Variants in OPCML observed in about 807,000 individuals in gnomAD.
The protein encoded by OPCML is opioid binding protein/cell adhesion molecule like, also known as opioid-binding protein/cell adhesion molecule.
OPCML carries 13 observed loss-of-function variants against 37.8 expected under a neutral mutation model. The ratio of observed to expected loss-of-function variants is 0.34; its 90% CI spans 0.22 to 0.55. The LOEUF (loss-of-function observed/expected upper bound fraction) is 0.55, where lower values mean the gene tolerates loss of function less well. OPCML is among the 20% of genes least tolerant of loss of function. The pLI is 0.91. For missense variants in OPCML, 341 were observed against 435.6 expected (o/e 0.78, Z 1.93); for synonymous variants, 176 against 168.8 (o/e 1.04, Z -0.33).
intron 2 of OPCML, among the ~76,000 whole-genome samples, chr11:132,792,405 T>A (rs145465684): frequency 2.5e-4 from 38 of 152,340 alleles, no homozygotes; most frequent in East Asian, 3.9e-4. Context: ...CTCCACATCT[T>A]TCAAAGTCAA....
intron 7 of OPCML, among the ~76,000 whole-genome samples, chr11:132,433,006 C>CTGCTCAGA (rs2096002422): frequency 6.6e-6 from 1 of 152,148 alleles, no homozygotes; most frequent in African/African-American, 2.4e-5. Flanking sequence ...GGGGACTGGC[C>CTGCTCAGA]TGCTCAGAGA....
chr11:133,337,755 G>T (rs1205420976), intron 1 of OPCML, among the ~76,000 whole-genome samples: 3 of 152,146 alleles, frequency 2.0e-5, no homozygotes, highest in Admixed American at 2.0e-4. Context: ...TCAACTCAGG[G>T]TGAAATCTGG....
At chr11:132,761,144 G>C (rs917012772) in intron 2 of OPCML, among the ~76,000 whole-genome samples, 2 of 151,644 alleles carry the variant, frequency 1.3e-5, no homozygotes, top group Non-Finnish European at 2.9e-5. Flanking sequence ...CTTCTGGCTT[G>C]TAGGGTTTCT....
At chr11:133,467,815 C>A (rs1476893216) in intron 1 of OPCML, among the ~76,000 whole-genome samples, 1 of 152,178 alleles carries the variant, frequency 6.6e-6, no homozygotes, top group Non-Finnish European at 1.5e-5. Context: ...TTCCCTCACA[C>A]TCCAAATTGA....
At chr11:133,395,898 T>C (rs1420143183) in intron 1 of OPCML, among the ~76,000 whole-genome samples, 1 of 152,150 alleles carries the variant, frequency 6.6e-6, no homozygotes, top group Admixed American at 6.5e-5. Context: ...ATTTTAGGAT[T>C]GTTTTTGCTA....
chr11:133,363,201 T>C (rs1461048223), intron 1 of OPCML, among the ~76,000 whole-genome samples: 1 of 152,232 alleles, frequency 6.6e-6, no homozygotes, highest in African/African-American at 2.4e-5. Context: ...AACCCCATCA[T>C]GTCGCTGAGC....
chr11:132,868,722 A>C (rs1474993089), intron 2 of OPCML, among the ~76,000 whole-genome samples: 2 of 152,080 alleles, frequency 1.3e-5, no homozygotes, highest in Admixed American at 6.5e-5. Flanking sequence ...AGGGGCTGGG[A>C]CTGCTCCCTT....
intron 2 of OPCML, among the ~76,000 whole-genome samples, chr11:132,778,810 A>G (rs1946893727): frequency 6.6e-6 from 1 of 152,222 alleles, no homozygotes. Flanking sequence ...TCGTAGAAGT[A>G]TTAGCTCTAG....
chr11:133,384,718 A>T (rs1945007703), intron 1 of OPCML, among the ~76,000 whole-genome samples: 1 of 152,190 alleles, frequency 6.6e-6, no homozygotes, highest in Non-Finnish European at 1.5e-5. Flanking sequence ...GACCAGCCTC[A>T]ATAGAGACAT....
rs193009292 is a variant in OPCML at position 133,288,709 on chromosome 11, C to T, written c.61+243555G>A. On this transcript the variant is annotated intron_variant, in intron 1 of 7. Coordinates refer to ENST00000524381, the MANE Select transcript of OPCML (RefSeq NM_001012393.5). ...TGCCGAGGGAAAAGCCCCTGAACAC[C>T]ACTGGTTTTGTTTGTTTGTTTTTGT... is the stretch of plus-strand genomic sequence containing the variant. Among the ~76,000 whole-genome samples the T allele has an allele frequency of 3.3e-4, 51 of 152,240 alleles. No individual in the cohort carries two copies. The East Asian group carries it at 9.6e-3, about 29-fold the overall frequency.
Position 132,694,334 on chromosome 11 carries a change from G to A in OPCML, c.147-37015C>T, listed in dbSNP as rs372388491. On this transcript the variant is annotated intron_variant, in intron 2 of 7. Transcript: ENST00000524381. ...CTGCCTCAGCCTCCCAAATAGCTGG[G>A]ACTACTGGTGCGTGCCACCACGCCC... Among the ~76,000 whole-genome samples, 294 of 151,902 alleles carry A rather than the reference G, an allele frequency of 1.9e-3. 6 individuals carry two copies. The South Asian group carries it at 0.027, about 14-fold the overall frequency.
At chr11:133,093,681 C>T (rs950321291) in intron 1 of OPCML, among the ~76,000 whole-genome samples, 19 of 152,150 alleles carry the variant, frequency 1.2e-4, no homozygotes, top group African/African-American at 4.6e-4. Flanking sequence ...TACAGGTTCA[C>T]TGGAGTAGAC....
intron 1 of OPCML, among the ~76,000 whole-genome samples, chr11:133,268,484 A>T (rs1343751791): frequency 2.0e-5 from 3 of 152,246 alleles, no homozygotes; most frequent in African/African-American, 7.2e-5. Flanking sequence ...TAATTTAGAT[A>T]ACACCATGTG....
chr11:132,781,937 C>CATATATATATATAT, intron 2 of OPCML, among the ~76,000 whole-genome samples: 1 of 99,432 alleles, frequency 1.0e-5, no homozygotes, highest in African/African-American at 4.2e-5. Context: ...TATATATATA[C>CATATATATATATAT]ATATATATAT....
At chr11:133,370,582 G>A (rs1944652339) in intron 1 of OPCML, among the ~76,000 whole-genome samples, 1 of 150,408 alleles carries the variant, frequency 6.6e-6, no homozygotes, top group African/African-American at 2.4e-5. Flanking sequence ...AAAAAAAATT[G>A]AAAAGGACAC....
intron 2 of OPCML, among the ~76,000 whole-genome samples, chr11:132,800,100 C>G (rs1941391917): frequency 6.6e-6 from 1 of 151,990 alleles, no homozygotes; most frequent in Non-Finnish European, 1.5e-5. Flanking sequence ...TAATTTCTTT[C>G]AATAATGTTT....
intron 1 of OPCML, among the ~76,000 whole-genome samples, chr11:133,140,925 C>CGAAGACGAAGACGAA (rs1565468543): frequency 1.9e-4 from 1 of 5,166 alleles, no homozygotes; most frequent in African/African-American, 3.2e-4. Context: ...AAGAAGACGA[C>CGAAGACGAAGACGAA]GACGACGAAG....
chr11:132,432,407 A>G (rs2096000163), intron 7 of OPCML, among the ~76,000 whole-genome samples: 1 of 152,214 alleles, frequency 6.6e-6, no homozygotes, highest in Non-Finnish European at 1.5e-5. Context: ...CCACACAGTC[A>G]TAGGATCAGA....
intron 1 of OPCML, among the ~76,000 whole-genome samples, chr11:133,512,298 C>A (rs1948177919): frequency 6.6e-6 from 1 of 152,208 alleles, no homozygotes; most frequent in Non-Finnish European, 1.5e-5. Flanking sequence ...TCACAAAACT[C>A]AGGGAAACAC....
Sources: gnomAD v4.1 joint callset for allele counts (sites outside exome capture counted in the v4.1 genomes callset) on GRCh38, gnomAD v4.1.1 for gene constraint, MANE v1.5 for transcripts, NCBI Gene and HGNC (gene_info 2026-07-23, HGNC 2026-07-21) for gene names.